Variants in NBEA observed in about 807,000 individuals in gnomAD.
NBEA encodes lysosomal-trafficking regulator 2.
Under a neutral mutation model 343.4 loss-of-function variants are expected in NBEA, and 44 were observed. The observed-to-expected ratio is 0.13, with a 90% CI of 0.10 to 0.16. The LOEUF is 0.16. Among genes scored for constraint, NBEA ranks in the 10% least tolerant of loss-of-function variants. NBEA has a pLI of 1.00. For missense variants in NBEA, 2,555 were observed against 3,631.3 expected (o/e 0.70, Z 7.62); for synonymous variants, 1,175 against 1,238.7 (o/e 0.95, Z 1.08).
At chr13:35,096,321 T>G (rs1177106425) in intron 10 of NBEA, among the ~76,000 whole-genome samples, 2 of 151,680 alleles carry the variant, frequency 1.3e-5, no homozygotes, top group Admixed American at 1.3e-4. Context: ...AATATTGAAG[T>G]GAAATTAACA....
intron 1 of NBEA, among the ~76,000 whole-genome samples, chr13:35,016,337 G>T (rs1237396353): frequency 6.6e-6 from 1 of 152,054 alleles, no homozygotes; most frequent in Non-Finnish European, 1.5e-5. Flanking sequence ...TGGTAAAAAT[G>T]GAGTTTATTA....
chr13:35,606,512 G>A lies in NBEA; in HGVS notation c.7383G>A (p.Val2461=). Residue 2461 remains valine, a synonymous_variant, in exon 48 of 59, where the codon GTG becomes GTA. Transcript: ENST00000379939. ...TTGGAGTCAGAGAAGATGAAGTAGT[G>A]GTAAATGATGTTGATCTTCCCCCTT... ...YNLGVREDEV[V]VNDVDLPPWA... 6.2e-7 allele frequency: 1 copy of A among 1,607,078 alleles called. No homozygotes were observed.
At chr13:35,258,710 A>T (rs370477873) in intron 34 of NBEA, among the ~76,000 whole-genome samples, 1 of 152,178 alleles carries the variant, frequency 6.6e-6, no homozygotes, top group East Asian at 1.9e-4. Flanking sequence ...ATTATACTAC[A>T]TGATGATGTA....
At chr13:35,632,093 C>A (rs1004935686) in intron 49 of NBEA, among the ~76,000 whole-genome samples, 1 of 152,006 alleles carries the variant, frequency 6.6e-6, no homozygotes, top group East Asian at 1.9e-4. Context: ...CTTCTATGCA[C>A]TTTTTTTCAT....
intron 41 of NBEA, among the ~76,000 whole-genome samples, chr13:35,546,456 T>TC (rs1005618496): frequency 1.4e-5 from 2 of 145,206 alleles, no homozygotes; most frequent in Non-Finnish European, 3.0e-5. Context: ...AGAATGAGAC[T>TC]CCATCTCAAA....
At chr13:35,151,342 G>C (rs559015532) in intron 18 of NBEA, among the ~76,000 whole-genome samples, 2 of 151,838 alleles carry the variant, frequency 1.3e-5, no homozygotes, top group Middle Eastern at 6.8e-3. Context: ...TTGGGAGTTC[G>C]AGACCAGCCT....
At chr13:35,070,663 A>G in intron 9 of NBEA, 56 bp from the exon 10 acceptor site, 1 of 1,431,064 alleles carries the variant, frequency 7.0e-7, no homozygotes. Context: ...GAACAAGGAA[A>G]TAGTGATGAA....
At position 35,606,588 on chromosome 13, in the gene NBEA, A is replaced by G. The variant is rs200979283; in HGVS notation, c.7449+10A>G. ...GCGGATCAACAGGATGGTAAGAGAGATTTTGCTTTTGCTTGGGCAGTCATC... is the reference window on the plus strand; with the variant it reads ...GCGGATCAACAGGATGGTAAGAGAGGTTTTGCTTTTGCTTGGGCAGTCATC... On this transcript the variant is annotated intron_variant, in intron 48 of 58. Transcript: ENST00000379939. The G allele has an allele frequency of 1.3e-6, 2 of 1,585,898 alleles. No homozygotes were observed. The highest frequency in any genetic ancestry group is 8.6e-7 in the Non-Finnish European group (1 of 1,162,774).
In NBEA at chr13:35,593,313, T is replaced by G. The variant is rs1566376888; in HGVS notation, c.7177-15T>G. The G allele has an allele frequency of 1.9e-6, 3 of 1,611,078 alleles. No individual in the cohort carries two copies. Among genetic ancestry groups the G allele is most frequent in the Non-Finnish European group, 2.5e-6 (3 of 1,178,420 alleles). ...TTTAGAGTGGTCAAATTTCTGATTC[T>G]GTTTTTTTGCTTAGGAACCTTTCAC... On this transcript the variant is annotated splice_polypyrimidine_tract_variant and intron_variant, in intron 46 of 58. Transcript: ENST00000379939.
intron 41 of NBEA, among the ~76,000 whole-genome samples, chr13:35,529,031 A>AAC (rs1181333968): frequency 2.0e-5 from 3 of 152,158 alleles, no homozygotes; most frequent in Admixed American, 6.6e-5. Context: ...TATGTGAAAT[A>AAC]ATGATAGTAA....
chr13:35,546,412 G>A (rs2079060737), intron 41 of NBEA, among the ~76,000 whole-genome samples: 1 of 151,612 alleles, frequency 6.6e-6, no homozygotes, highest in African/African-American at 2.4e-5. Context: ...TTGCATGAGA[G>A]GAGATGGCAT....
chr13:35,406,670 A>G (rs1218829063), intron 38 of NBEA, among the ~76,000 whole-genome samples: 1 of 152,156 alleles, frequency 6.6e-6, no homozygotes, highest in Admixed American at 6.6e-5. Flanking sequence ...AAATTGAACC[A>G]TCACAAGAAA....
chr13:35,523,132 A>G (rs906548760), intron 41 of NBEA, among the ~76,000 whole-genome samples: 2 of 152,188 alleles, frequency 1.3e-5, no homozygotes, highest in African/African-American at 4.8e-5. Flanking sequence ...CTATTATTAT[A>G]GTGACCACCC....
At chr13:35,218,623 T>A (rs1442473569) in intron 33 of NBEA, among the ~76,000 whole-genome samples, 3 of 151,500 alleles carry the variant, frequency 2.0e-5, no homozygotes, top group Non-Finnish European at 4.4e-5. Flanking sequence ...TTAACTATGA[T>A]GCTTCTTACC....
intron 1 of NBEA, among the ~76,000 whole-genome samples, chr13:35,026,615 A>G (rs1033175447): frequency 4.6e-5 from 7 of 152,120 alleles, no homozygotes; most frequent in Non-Finnish European, 1.0e-4. Flanking sequence ...TTAGCAAATG[A>G]TTGTTCCATA....
intron 10 of NBEA, among the ~76,000 whole-genome samples, chr13:35,095,028 C>T (rs1182313250): frequency 6.6e-6 from 1 of 151,660 alleles, no homozygotes; most frequent in East Asian, 1.9e-4. Flanking sequence ...TTAGCTTTTT[C>T]AGTAAAAACC....
At chr13:35,654,489 A>G (rs2084710777) in intron 53 of NBEA, among the ~76,000 whole-genome samples, 1 of 152,214 alleles carries the variant, frequency 6.6e-6, no homozygotes, top group African/African-American at 2.4e-5. Flanking sequence ...CATACTTCAT[A>G]CAATATTTAG....
chr13:35,432,198 T>G, intron 38 of NBEA, 71 bp from the exon 39 acceptor site: 1 of 1,333,602 alleles, frequency 7.5e-7, no homozygotes, highest in Non-Finnish European at 1.0e-6. Context: ...TAACTTCAAT[T>G]TTATAGAAAA....
intron 28 of NBEA, among the ~76,000 whole-genome samples, chr13:35,179,105 A>C (rs1469667562): frequency 6.6e-6 from 1 of 151,670 alleles, no homozygotes; most frequent in Non-Finnish European, 1.5e-5. Context: ...TGGATAACCC[A>C]GCAGTGGTTG....
Sources: allele counts gnomAD v4.1 joint callset (sites outside exome capture counted in the v4.1 genomes callset), GRCh38; gene constraint gnomAD v4.1.1; transcripts MANE v1.5; gene names NCBI Gene and HGNC (gene_info 2026-07-23, HGNC 2026-07-21).